SLC41A3: variants seen among roughly 807,000 people sequenced by gnomAD.
SLC41A3 encodes solute carrier family 41 member 3, also known as SLC41A1-like 2.
Under a neutral mutation model 45.4 loss-of-function variants are expected in SLC41A3, and 44 were observed. The ratio of observed to expected loss-of-function variants is 0.97; its 90% CI spans 0.76 to 1.25. The LOEUF (loss-of-function observed/expected upper bound fraction) is 1.25, where lower values mean the gene tolerates loss of function less well. Ranked by LOEUF, SLC41A3 falls within the 50% of genes most tolerant of loss-of-function variation. The pLI, the probability that SLC41A3 is intolerant of heterozygous loss-of-function variation, is 0.00. For synonymous variants in SLC41A3, 256 were observed against 252.4 expected, an observed-to-expected ratio of 1.01 and a Z score of -0.13; for missense variants, 550 against 600.6, an observed-to-expected ratio of 0.92 and a Z score of 0.88.
At chr3:126,056,990 G>C in intron 2 of SLC41A3, 1 of 1,029,840 alleles carries the variant, frequency 9.7e-7, no homozygotes, top group African/African-American at 1.7e-5. Flanking sequence ...GCCTGGCCTT[G>C]GTGAGTGCCC....
chr3:126,078,568 C>A (rs1324702803), intron 1 of SLC41A3, among the ~76,000 whole-genome samples: 1 of 152,174 alleles, frequency 6.6e-6, no homozygotes, highest in African/African-American at 2.4e-5. Context: ...AATGCCAGAT[C>A]CCTAATCTTT....
At chr3:126,058,792 C>T (rs1162100972) in intron 2 of SLC41A3, among the ~76,000 whole-genome samples, 3 of 152,202 alleles carry the variant, frequency 2.0e-5, no homozygotes, top group African/African-American at 7.2e-5. Context: ...CTTGCAAGTA[C>T]ATGGTCATAT....
chr3:126,054,571 C>G (rs1459660541), intron 2 of SLC41A3, among the ~76,000 whole-genome samples: 1 of 152,058 alleles, frequency 6.6e-6, no homozygotes. Context: ...TCCACAAATG[C>G]ACACTATCAT....
chr3:126,071,897 A>G (rs909605070), intron 1 of SLC41A3, among the ~76,000 whole-genome samples: 2 of 151,956 alleles, frequency 1.3e-5, no homozygotes, highest in Non-Finnish European at 2.9e-5. Flanking sequence ...CAGCCCCCCA[A>G]GTAGCTGGGA....
rs1939131320 is a variant in SLC41A3, at chr3:126,006,632, C to T, written c.*384G>A. The T allele has an allele frequency of 2.0e-6, 3 of 1,538,060 alleles. No individual in the cohort carries two copies. Among genetic ancestry groups the T allele is most frequent in the South Asian group, 1.3e-5 (1 of 78,016 alleles). Reference sequence around the variant, plus strand: ...GCTTGGGAACAGAAAAGAGCTCCTTCCTGCTCCACCCCAATCTGGGTTGCA... The same window carrying T: ...GCTTGGGAACAGAAAAGAGCTCCTTTCTGCTCCACCCCAATCTGGGTTGCA... On this transcript the variant is annotated 3_prime_UTR_variant, in exon 11 of 11. Transcript: ENST00000360370.
At chr3:126,066,568 T>TTC (rs971610836) in intron 2 of SLC41A3, among the ~76,000 whole-genome samples, 3 of 152,224 alleles carry the variant, frequency 2.0e-5, no homozygotes, top group Non-Finnish European at 2.9e-5. Flanking sequence ...TTGATGAGTG[T>TTC]TGGGAACAAG....
At chr3:126,063,702 T>G (rs373166123) in intron 2 of SLC41A3, among the ~76,000 whole-genome samples, 3 of 152,160 alleles carry the variant, frequency 2.0e-5, no homozygotes, top group Admixed American at 2.0e-4. Context: ...AGCCAGTCAC[T>G]CCTGATCCTC....
chr3:126,056,254 CCA>C, intron 2 of SLC41A3: 1 of 1,433,914 alleles, frequency 7.0e-7, no homozygotes, highest in South Asian at 1.3e-5. Flanking sequence ...GGCTGCCCTC[CCA>C]CTGTAGAGGC....
At chr3:126,073,818 A>G (rs1944746911) in intron 1 of SLC41A3, among the ~76,000 whole-genome samples, 1 of 152,200 alleles carries the variant, frequency 6.6e-6, no homozygotes, top group African/African-American at 2.4e-5. Context: ...ATCCTTCATA[A>G]ACTCTCAACA....
intron 3 of SLC41A3, among the ~76,000 whole-genome samples, chr3:126,041,288 A>C (rs569775343): frequency 6.6e-6 from 1 of 152,244 alleles, no homozygotes; most frequent in East Asian, 1.9e-4. Context: ...GGGGGAATGA[A>C]TATAAAAATA....
intron 5 of SLC41A3, 74 bp from the exon 6 acceptor site, chr3:126,023,006 AC>A (rs1941038255): frequency 1.3e-6 from 2 of 1,586,984 alleles, no homozygotes; most frequent in Non-Finnish European, 8.6e-7. Flanking sequence ...GCACAGCAGC[AC>A]AGGGATGGGC....
chr3:126,077,208 T>A (rs1944919781), intron 1 of SLC41A3, among the ~76,000 whole-genome samples: 1 of 151,870 alleles, frequency 6.6e-6, no homozygotes, highest in African/African-American at 2.4e-5. Flanking sequence ...TGAGACCTCA[T>A]CTCTATCAAA....
In SLC41A3 at chr3:126,050,955, T is replaced by G; in HGVS notation, c.369A>C (p.Arg123Ser). ...KGNLEMTLAS[R>S]LSTAANTGQI... ...GGTGTCCACTTACAGCTGTGGAGAGTCTGGATGCCAGTGTCATCTCCAGGT... is the reference window on the plus strand; with the variant it reads ...GGTGTCCACTTACAGCTGTGGAGAGGCTGGATGCCAGTGTCATCTCCAGGT... Residue 123 changes from arginine (R) to serine (S), a missense_variant, in exon 3 of 11, where the codon AGA becomes AGC. Physicochemically the swap from Arg to Ser is moderately radical, Grantham distance 110. Coordinates refer to ENST00000360370, the MANE Select transcript of SLC41A3 (RefSeq NM_017836.4). 6.2e-7 allele frequency: 1 copy of G among 1,612,140 alleles called. No individual in the cohort carries two copies. The highest frequency in any genetic ancestry group is 8.5e-7 in the Non-Finnish European group (1 of 1,179,208).
intron 1 of SLC41A3, among the ~76,000 whole-genome samples, chr3:126,068,784 A>T (rs983465256): frequency 2.0e-5 from 3 of 152,144 alleles, no homozygotes; most frequent in Non-Finnish European, 4.4e-5. Flanking sequence ...GGGCATGACA[A>T]GGCTGGAGTT....
At chr3:126,037,839 G>A (rs995504923) in intron 3 of SLC41A3, among the ~76,000 whole-genome samples, 3 of 152,234 alleles carry the variant, frequency 2.0e-5, no homozygotes, top group African/African-American at 7.2e-5. Flanking sequence ...AGCCTTGAAG[G>A]CATTTCAGAT....
chr3:126,031,613 C>CT (rs1941802113), intron 4 of SLC41A3, among the ~76,000 whole-genome samples: 1 of 152,136 alleles, frequency 6.6e-6, no homozygotes, highest in Non-Finnish European at 1.5e-5. Flanking sequence ...GTTAATTAAG[C>CT]TTTTTTAAAA....
rs527956005 is a variant in SLC41A3 at position 126,036,279 on chromosome 3, G to T, written c.382-2601C>A. 3.3e-5 allele frequency among the ~76,000 whole-genome samples: 5 copies of T among 152,338 alleles called. No homozygotes were observed. The South Asian group carries it at 8.3e-4, about 25-fold the overall frequency. ...TCCCTTGCACCAGCTCTGGGCCTGT[G>T]AGGCTGCCCTGTAAGGATGGCATCA... On this transcript the variant is annotated intron_variant, in intron 3 of 10. Transcript: ENST00000360370.
At chr3:126,067,589 G>A (rs1384079912) in intron 2 of SLC41A3, 3 of 463,742 alleles carry the variant, frequency 6.5e-6, no homozygotes, top group South Asian at 4.7e-5. Flanking sequence ...CTCTAGAACT[G>A]TGTGAAAATA....
At chr3:126,052,022 C>T (rs1194297072) in intron 2 of SLC41A3, among the ~76,000 whole-genome samples, 3 of 152,152 alleles carry the variant, frequency 2.0e-5, no homozygotes, top group African/African-American at 2.4e-5. Flanking sequence ...GAGATCAGAC[C>T]AGAGGCCCTT....
Sources: gnomAD v4.1 joint callset for allele counts (sites outside exome capture counted in the v4.1 genomes callset) on GRCh38, gnomAD v4.1.1 for gene constraint, MANE v1.5 for transcripts, NCBI Gene and HGNC (gene_info 2026-07-23, HGNC 2026-07-21) for gene names.